The following ZFP64 variants were observed in gnomAD, a reference collection of about 807,000 sequenced individuals.
ZFP64 encodes the protein zinc finger protein 64.
In ZFP64, 14 loss-of-function variants were observed where a neutral mutation model predicts 51.6. The ratio of observed to expected loss-of-function variants is 0.27; its 90% CI spans 0.18 to 0.42. ZFP64 has a LOEUF of 0.42. Among genes scored for constraint, ZFP64 ranks in the 10% least tolerant of loss-of-function variants. The pLI is 1.00. For missense variants in ZFP64, 754 were observed against 906.8 expected, an observed-to-expected ratio of 0.83 and a Z score of 2.16; for synonymous variants, 375 against 361.4, an observed-to-expected ratio of 1.04 and a Z score of -0.43.
chr20:52,176,037 T>G, intron 2 of ZFP64: 1 of 918,896 alleles, frequency 1.1e-6, no homozygotes, highest in Non-Finnish European at 1.3e-6. Flanking sequence ...ACGCCCCAGC[T>G]CTGCCTTTGC....
At chr20:52,134,286 A>G (rs971918098) in intron 5 of ZFP64, among the ~76,000 whole-genome samples, 1 of 152,182 alleles carries the variant, frequency 6.6e-6, no homozygotes, top group Non-Finnish European at 1.5e-5. Context: ...CCTCTCTGCT[A>G]AATTTCTCAT....
intron 2 of ZFP64, among the ~76,000 whole-genome samples, chr20:52,185,148 C>T (rs6126497): frequency 0.21 from 32,192 of 152,060 alleles, 3,830 homozygotes; most frequent in African/African-American, 0.33. Context: ...CTTAGCCTTC[C>T]GAGTAGCTGG....
At chr20:52,105,261 G>C in intron 5 of ZFP64, 1 of 1,329,864 alleles carries the variant, frequency 7.5e-7, no homozygotes, top group East Asian at 3.1e-5. Context: ...GGCTCCCCGC[G>C]CGTCCCTAGG....
At chr20:52,182,655 G>C (rs188655383) in intron 2 of ZFP64, among the ~76,000 whole-genome samples, 1 of 152,160 alleles carries the variant, frequency 6.6e-6, no homozygotes, top group Admixed American at 6.5e-5. Flanking sequence ...GAAGATCAAG[G>C]CTGCAGTGAG....
intron 4 of ZFP64, among the ~76,000 whole-genome samples, chr20:52,162,086 T>C (rs1210858695): frequency 6.6e-6 from 1 of 150,788 alleles, no homozygotes; most frequent in Non-Finnish European, 1.5e-5. Context: ...TCACTTGAGG[T>C]CAGGAGTTCG....
chr20:52,093,286 A>AGCC (rs757587706), intron 7 of ZFP64, among the ~76,000 whole-genome samples: 1 of 152,144 alleles, frequency 6.6e-6, no homozygotes, highest in African/African-American at 2.4e-5. Flanking sequence ...GATTACAGGC[A>AGCC]GCCACCACCA....
Position 52,187,679 on chromosome 20 carries a change from C to T in ZFP64, c.47-608G>A, listed in dbSNP as rs73270864. Among the ~76,000 whole-genome samples the T allele has an allele frequency of 5.3e-3, 808 of 151,906 alleles. 13 individuals are homozygous for T. The highest frequency in any genetic ancestry group is 0.018 in the African/African-American group (766 of 41,430). On this transcript the variant is annotated intron_variant, in intron 1 of 5. Coordinates refer to ENST00000216923, the MANE Select transcript of ZFP64 (RefSeq NM_018197.3). Reference sequence around the variant, plus strand: ...TATGATGCATAATTTTATCCAACCACATATGCACAAAGGTAGTCTTGTATT... The same window carrying T: ...TATGATGCATAATTTTATCCAACCATATATGCACAAAGGTAGTCTTGTATT...
intron 7 of ZFP64, among the ~76,000 whole-genome samples, chr20:52,092,372 T>TGG (rs35582900): frequency 1.7e-4 from 26 of 152,100 alleles, no homozygotes; most frequent in Non-Finnish European, 3.2e-4. Flanking sequence ...ATTGTTCCCT[T>TGG]GGGGGGTGAA....
chr20:52,176,679 T>G (rs1475970920), intron 2 of ZFP64, among the ~76,000 whole-genome samples: 5 of 149,658 alleles, frequency 3.3e-5, no homozygotes, highest in Admixed American at 6.6e-5. Flanking sequence ...CCGGCTAATT[T>G]TTTGTATTTT....
At chr20:52,188,308 CTTTTT>C (rs1164512289) in intron 1 of ZFP64, among the ~76,000 whole-genome samples, 3 of 104,224 alleles carry the variant, frequency 2.9e-5, no homozygotes, top group Non-Finnish European at 4.0e-5. Flanking sequence ...CTTTTTCTTT[CTTTTT>C]TTTTTTTTTT....
intron 7 of ZFP64, among the ~76,000 whole-genome samples, chr20:52,092,147 A>C (rs2078934391): frequency 6.6e-6 from 1 of 152,232 alleles, no homozygotes; most frequent in Admixed American, 6.5e-5. Context: ...CTTGATCAAT[A>C]AAAGTAAAAA....
chr20:52,122,280 G>A (rs927300013), intron 5 of ZFP64, among the ~76,000 whole-genome samples: 2 of 152,122 alleles, frequency 1.3e-5, no homozygotes, highest in South Asian at 2.1e-4. Context: ...GCCGAGGCGG[G>A]TGGATCACGA....
intron 5 of ZFP64, chr20:52,111,090 C>T (rs375539038): frequency 1.7e-5 from 17 of 1,005,798 alleles, no homozygotes; most frequent in African/African-American, 6.3e-5. Context: ...GAAGGGGAAG[C>T]GGCAGGGAGA....
At chr20:52,132,892 A>G (rs960620053) in intron 5 of ZFP64, among the ~76,000 whole-genome samples, 1 of 134,550 alleles carries the variant, frequency 7.4e-6, no homozygotes, top group Non-Finnish European at 1.7e-5. Flanking sequence ...AAAACCAGAC[A>G]AAAACACATC....
At position 52,103,408 on chromosome 20, in the gene ZFP64, G is replaced by A. The variant is rs535709925; in HGVS notation, c.764-4821C>T. On this transcript the variant is annotated intron_variant, in intron 5 of 8. Transcript: ENST00000361387. ...CCAAAGGTACTAGGATAAAACGTCAGTTGGAAGACGGTTTTTTCTCCGAAG... is the reference window on the plus strand; with the variant it reads ...CCAAAGGTACTAGGATAAAACGTCAATTGGAAGACGGTTTTTTCTCCGAAG... Among the ~76,000 whole-genome samples, 8 of 152,324 alleles carry A rather than the reference G, an allele frequency of 5.3e-5. No individual in the cohort carries two copies. In the South Asian group the frequency reaches 1.7e-3, roughly 32 times the overall value.
Position 52,088,221 on chromosome 20 carries a change from GT to G in ZFP64, c.1228+170del, listed in dbSNP as rs532172943. The G allele has an allele frequency of 4.0e-4, 438 of 1,093,824 alleles. No individual in the cohort carries two copies. The African/African-American group carries it at 6.1e-3, about 15-fold the overall frequency. 67.8% of individuals were successfully genotyped at this position (1,093,824 alleles called of 1,614,324 possible). The stretch of plus-strand genomic sequence containing the variant: ...AGCTGTCAGTCATATTTTACCAAAA[GT>G]TGTTGTTCCGGCAACAGAAAAATGA... On this transcript the variant is annotated intron_variant, in intron 8 of 8. Coordinates refer to the ZFP64 transcript ENST00000361387.
At chr20:52,097,173 C>T in intron 7 of ZFP64, 2 of 797,634 alleles carry the variant, frequency 2.5e-6, no homozygotes, top group East Asian at 2.4e-5. Flanking sequence ...TAGCCACAGG[C>T]TCTGTGTAGC....
chr20:52,126,254 T>C (rs1052465004), intron 5 of ZFP64, among the ~76,000 whole-genome samples: 7 of 152,208 alleles, frequency 4.6e-5, no homozygotes, highest in Admixed American at 3.9e-4. Context: ...GTAGGTACTT[T>C]TACTATCCCC....
intron 5 of ZFP64, among the ~76,000 whole-genome samples, chr20:52,102,046 AG>A (rs1166774732): frequency 7.1e-6 from 1 of 141,462 alleles, no homozygotes; most frequent in East Asian, 2.2e-4. Context: ...TGTGGGGCAG[AG>A]GTTGCAGTGA....
Sources: allele counts gnomAD v4.1 joint callset (sites outside exome capture counted in the v4.1 genomes callset), GRCh38; gene constraint gnomAD v4.1.1; transcripts MANE v1.5; gene names NCBI Gene and HGNC (gene_info 2026-07-23, HGNC 2026-07-21).